GSG1L: variants seen among roughly 807,000 people sequenced by gnomAD.
The protein encoded by GSG1L is germ cell-specific gene 1-like protein.
A neutral mutation model predicts 42.1 loss-of-function variants in GSG1L; 24 were observed. That is an observed-to-expected ratio of 0.57 (90% CI 0.41 to 0.80). The LOEUF is 0.80. Among genes scored for constraint, GSG1L ranks in the 30% least tolerant of loss-of-function variants. GSG1L has a pLI of 0.00. For missense variants in GSG1L, 445 were observed against 472.2 expected (o/e 0.94, Z 0.53); for synonymous variants, 215 against 203.5 (o/e 1.06, Z -0.48).
intron 6 of GSG1L, among the ~76,000 whole-genome samples, chr16:27,792,012 C>T (rs1297328760): frequency 2.0e-5 from 3 of 152,092 alleles, no homozygotes; most frequent in Non-Finnish European, 2.9e-5. Context: ...CATGCCCCCA[C>T]TCCTGCCATC....
In GSG1L at chr16:27,904,097, G is replaced by GT. The variant is rs58940219; in HGVS notation, c.398-19460dup. On this transcript the variant is annotated intron_variant, in intron 2 of 6. Coordinates refer to ENST00000447459, the MANE Select transcript of GSG1L (RefSeq NM_001109763.2). ...CTCCACCTGCCCTAAGGTTTTGGAG[G>GT]TTTTTTTTATCACCCAGGCCAGAGT... Among the ~76,000 whole-genome samples, 639 of 151,990 alleles carry GT rather than the reference G, an allele frequency of 4.2e-3. 25 individuals are homozygous for GT. In the East Asian group the frequency reaches 0.11, roughly 26 times the overall value.
intron 1 of GSG1L, among the ~76,000 whole-genome samples, chr16:28,049,712 T>C (rs1355832045): frequency 6.7e-6 from 1 of 148,964 alleles, no homozygotes; most frequent in African/African-American, 2.5e-5. Context: ...GAAGAAGAAG[T>C]GGAAGACTAA....
chr16:28,057,426 TG>T (rs2086292103), intron 1 of GSG1L, among the ~76,000 whole-genome samples: 1 of 152,054 alleles, frequency 6.6e-6, no homozygotes. Flanking sequence ...AGGGCAGAAC[TG>T]GTTGGTGGGG....
chr16:27,978,330 G>T (rs781156810), intron 1 of GSG1L, among the ~76,000 whole-genome samples: 2 of 152,268 alleles, frequency 1.3e-5, no homozygotes, highest in Non-Finnish European at 2.9e-5. Context: ...AGGGTCACCA[G>T]GAAGCCGGAC....
chr16:27,860,207 C>T (rs950603126), intron 3 of GSG1L, among the ~76,000 whole-genome samples: 1 of 152,224 alleles, frequency 6.6e-6, no homozygotes, highest in East Asian at 1.9e-4. Flanking sequence ...TGCGGTTACC[C>T]CAGTCTGCAC....
chr16:27,939,122 A>AT (rs925986435), intron 2 of GSG1L, among the ~76,000 whole-genome samples: 15 of 148,108 alleles, frequency 1.0e-4, no homozygotes, highest in African/African-American at 2.2e-4. Context: ...TTCCAGCTGA[A>AT]TTTTTTTTTT....
chr16:27,800,145 G>A (rs74905426), intron 6 of GSG1L, among the ~76,000 whole-genome samples: 3,647 of 152,222 alleles, frequency 0.024, 64 homozygotes, highest in Admixed American at 0.043. Context: ...TGCCATCTGC[G>A]CTCCCAGCAA....
intron 2 of GSG1L, among the ~76,000 whole-genome samples, chr16:27,933,242 C>A (rs1026226735): frequency 1.3e-5 from 2 of 152,050 alleles, no homozygotes; most frequent in African/African-American, 4.8e-5. Context: ...TTGACCTGAG[C>A]AGCACTCTCA....
chr16:28,024,407 A>C (rs1157198055), intron 1 of GSG1L, among the ~76,000 whole-genome samples: 1 of 152,254 alleles, frequency 6.6e-6, no homozygotes, highest in Admixed American at 6.5e-5. Flanking sequence ...GAGCAGGGCC[A>C]CTGCCGGGTT....
intron 5 of GSG1L, chr16:27,823,851 C>T (rs1337165565): frequency 2.8e-6 from 2 of 702,966 alleles, no homozygotes; most frequent in Non-Finnish European, 5.2e-6. Context: ...AATCCCAGCT[C>T]TGGCACTTAC....
chr16:27,807,544 T>A lies in GSG1L; in HGVS notation c.841A>T (p.Arg281Trp). The A allele has an allele frequency of 6.2e-7, 1 of 1,612,008 alleles. No individual in the cohort carries two copies. The highest frequency in any genetic ancestry group is 8.5e-7 in the Non-Finnish European group (1 of 1,179,786). ...IKYFRERMEK[R>W]DGSEEDFHLD... Reference sequence around the variant, plus strand: ...TGAAAGTCCTCCTCGCTCCCGTCCCTCTTCTCCATCCTGGAAAGAAAAAAA... The same window carrying A: ...TGAAAGTCCTCCTCGCTCCCGTCCCACTTCTCCATCCTGGAAAGAAAAAAA... The change falls in exon 6 of 7, where the codon AGG becomes TGG. Residue 281 changes from arginine (R) to tryptophan (W), a missense_variant. Physicochemically the swap from Arg to Trp is moderately radical, Grantham distance 101 (BLOSUM62 -3). Transcript: ENST00000447459.
intron 1 of GSG1L, among the ~76,000 whole-genome samples, chr16:27,976,142 G>A (rs1480868011): frequency 6.6e-6 from 1 of 152,148 alleles, no homozygotes; most frequent in South Asian, 2.1e-4. Flanking sequence ...AGGCCCAGTG[G>A]TGCACGCCTG....
intron 1 of GSG1L, among the ~76,000 whole-genome samples, chr16:28,060,491 C>T (rs2086328687): frequency 6.6e-6 from 1 of 152,096 alleles, no homozygotes; most frequent in Non-Finnish European, 1.5e-5. Flanking sequence ...CCCACAGTGG[C>T]CAAGAGGAAA....
intron 1 of GSG1L, among the ~76,000 whole-genome samples, chr16:28,016,771 C>T (rs755754497): frequency 2.6e-5 from 4 of 152,220 alleles, no homozygotes; most frequent in Non-Finnish European, 5.9e-5. Flanking sequence ...CAATTATCTA[C>T]TGGTGTCATC....
At chr16:27,965,752 C>T (rs2085124793) in intron 1 of GSG1L, among the ~76,000 whole-genome samples, 1 of 152,238 alleles carries the variant, frequency 6.6e-6, no homozygotes, top group Admixed American at 6.5e-5. Context: ...ACCATCAGTT[C>T]CCACCAGGAT....
At chr16:27,899,923 G>A (rs1205097807) in intron 2 of GSG1L, among the ~76,000 whole-genome samples, 1 of 152,192 alleles carries the variant, frequency 6.6e-6, no homozygotes, top group Non-Finnish European at 1.5e-5. Context: ...CCAACTGGGT[G>A]ATGTGGATTC....
rs56764441 is a variant in GSG1L, at chr16:27,966,642, C to T, written c.350-3439G>A. Among the ~76,000 whole-genome samples, 1,174 of 152,280 alleles carry T rather than the reference C, an allele frequency of 7.7e-3. 14 individuals carry two copies. Among genetic ancestry groups the T allele is most frequent in the African/African-American group, 0.026 (1,093 of 41,546 alleles). Reference sequence around the variant, plus strand: ...CCCCTCTTCAGTCTTTCCTCCCAGGCCTCCCTGATGCCACGGACACAGACC... The same window carrying T: ...CCCCTCTTCAGTCTTTCCTCCCAGGTCTCCCTGATGCCACGGACACAGACC... On this transcript the variant is annotated intron_variant, in intron 1 of 6. Transcript: ENST00000447459.
intron 2 of GSG1L, among the ~76,000 whole-genome samples, chr16:27,902,032 C>T (rs572856639): frequency 3.3e-5 from 5 of 152,322 alleles, no homozygotes; most frequent in Middle Eastern, 3.4e-3. Context: ...CAGTCACTTT[C>T]GGTCCTTCCC....
chr16:27,799,608 A>T (rs759936637), intron 6 of GSG1L, among the ~76,000 whole-genome samples: 5 of 152,160 alleles, frequency 3.3e-5, no homozygotes, highest in Admixed American at 6.5e-5. Context: ...CTCAGAGAGG[A>T]ACAAGTGATG....
Sources: allele counts gnomAD v4.1 joint callset (sites outside exome capture counted in the v4.1 genomes callset), GRCh38; gene constraint gnomAD v4.1.1; transcripts MANE v1.5; gene names NCBI Gene and HGNC (gene_info 2026-07-23, HGNC 2026-07-21).